Variants in RIMS1 observed in about 807,000 individuals in gnomAD.
RIMS1 encodes the protein regulating synaptic membrane exocytosis protein 1.
In RIMS1, 83 loss-of-function variants were observed where a neutral mutation model predicts 214.1. The ratio of observed to expected loss-of-function variants is 0.39; its 90% CI spans 0.32 to 0.47. The LOEUF is 0.47. Ranked by LOEUF, RIMS1 falls within the 20% of genes least tolerant of loss-of-function variation. The pLI is 0.99. For missense variants in RIMS1, 2,050 were observed against 2,161.8 expected (o/e 0.95, Z 1.03); for synonymous variants, 793 against 786.8 (o/e 1.01, Z -0.13).
intron 4 of RIMS1, among the ~76,000 whole-genome samples, chr6:72,152,819 G>A (rs2043837707): frequency 1.7e-5 from 1 of 57,802 alleles, no homozygotes; most frequent in Non-Finnish European, 2.9e-5. Flanking sequence ...GTATATATAT[G>A]GAATATATGT....
intron 1 of RIMS1, among the ~76,000 whole-genome samples, chr6:71,930,510 C>T (rs1440837777): frequency 6.6e-6 from 1 of 151,972 alleles, no homozygotes; most frequent in African/African-American, 2.4e-5. Context: ...CAGTCTATTA[C>T]CTTGTTTTAT....
chr6:72,012,375 A>C (rs111628352), intron 2 of RIMS1, among the ~76,000 whole-genome samples: 9 of 152,322 alleles, frequency 5.9e-5, no homozygotes, highest in African/African-American at 2.2e-4. Flanking sequence ...GATATACCTA[A>C]TGTAAATGAC....
rs759665204 is a variant in RIMS1 at position 72,258,165 on chromosome 6, A to T, written c.2811A>T (p.Thr937=). The T allele has an allele frequency of 6.2e-7, 1 of 1,613,138 alleles. No individual in the cohort carries two copies. Among genetic ancestry groups the T allele is most frequent in the South Asian group, 1.1e-5 (1 of 91,040 alleles). Residue 937 remains threonine (T), a synonymous_variant, in exon 17 of 34, where the codon ACA becomes ACT. Coordinates refer to ENST00000521978, the MANE Select transcript of RIMS1 (RefSeq NM_014989.7). The part of the protein sequence containing the change: ...RSSARESKST[T]LTVPEQQRTT... ...GTGCTAGAGAAAGTAAATCTACAAC[A>T]TTAACTGTGCCAGAACAGCAAAGAA...
At chr6:71,902,723 T>C (rs1012768244) in intron 1 of RIMS1, among the ~76,000 whole-genome samples, 1 of 152,098 alleles carries the variant, frequency 6.6e-6, no homozygotes, top group East Asian at 1.9e-4. Context: ...TTTCTCTCCA[T>C]GTGTCCATGT....
chr6:72,371,172 T>G (rs1182784618), intron 29 of RIMS1, among the ~76,000 whole-genome samples: 1 of 152,212 alleles, frequency 6.6e-6, no homozygotes, highest in African/African-American at 2.4e-5. Flanking sequence ...GTGTGCTGTG[T>G]GTGCACATGT....
At chr6:72,274,250 T>G in intron 22 of RIMS1, 99 bp from the exon 23 acceptor site, 1 of 705,144 alleles carries the variant, frequency 1.4e-6, no homozygotes, top group Non-Finnish European at 2.4e-6. Flanking sequence ...CACTTTGCCT[T>G]TATGGGGTGC....
chr6:72,022,764 T>C (rs1490996573), intron 2 of RIMS1, among the ~76,000 whole-genome samples: 2 of 152,192 alleles, frequency 1.3e-5, no homozygotes, highest in Non-Finnish European at 2.9e-5. Flanking sequence ...ATCTGAAAAC[T>C]TACTATCAAA....
chr6:71,926,651 C>T (rs181753482), intron 1 of RIMS1, among the ~76,000 whole-genome samples: 2 of 151,940 alleles, frequency 1.3e-5, no homozygotes, highest in Non-Finnish European at 2.9e-5. Flanking sequence ...GGTTGATACC[C>T]GTCAATTAAG....
At chr6:71,913,445 G>T (rs1371640398) in intron 1 of RIMS1, among the ~76,000 whole-genome samples, 1 of 152,024 alleles carries the variant, frequency 6.6e-6, no homozygotes, top group Non-Finnish European at 1.5e-5. Flanking sequence ...TATAAGTTTT[G>T]CAATCTACTT....
intron 2 of RIMS1, among the ~76,000 whole-genome samples, chr6:72,087,682 A>G (rs1329538827): frequency 6.6e-6 from 1 of 152,160 alleles, no homozygotes; most frequent in African/African-American, 2.4e-5. Flanking sequence ...CTTTGACTGG[A>G]CCACTTCCAC....
intron 29 of RIMS1, chr6:72,366,915 GTTTATTTATAAC>G (rs2098049616): frequency 1.1e-6 from 1 of 940,208 alleles, no homozygotes; most frequent in Admixed American, 6.2e-5. Flanking sequence ...AGGGGAGTTT[GTTTATTTATAAC>G]TTTTCATAAA....
chr6:72,138,145 C>T (rs983124334), intron 4 of RIMS1, among the ~76,000 whole-genome samples: 1 of 152,004 alleles, frequency 6.6e-6, no homozygotes, highest in Admixed American at 6.6e-5. Flanking sequence ...CTCCTTTTAA[C>T]TTGTAGGGAT....
intron 2 of RIMS1, among the ~76,000 whole-genome samples, chr6:71,994,266 A>G (rs1280091807): frequency 6.6e-6 from 1 of 152,202 alleles, no homozygotes; most frequent in Non-Finnish European, 1.5e-5. Flanking sequence ...GGTTTGGCAA[A>G]ACATTTTATT....
At chr6:71,992,002 T>C (rs932305742) in intron 2 of RIMS1, among the ~76,000 whole-genome samples, 7 of 151,880 alleles carry the variant, frequency 4.6e-5, no homozygotes, top group Non-Finnish European at 7.4e-5. Context: ...AGGCAAAGGT[T>C]GCAGTGAGCT....
rs550321897 is a variant in RIMS1 at position 72,033,418 on chromosome 6, C to T, written c.246-63531C>T. ...TAATAAACAATCATTTACATCTATA[C>T]TTATCACATCGTGTGCCTCTTTTCA... On this transcript the variant is annotated intron_variant, in intron 2 of 33. Transcript: ENST00000521978. Among the ~76,000 whole-genome samples, 4 of 152,320 alleles carry T rather than the reference C, an allele frequency of 2.6e-5. No homozygotes were observed. In the South Asian group the frequency reaches 8.3e-4, roughly 32 times the overall value.
At chr6:72,389,925 C>T (rs2098675317) in intron 29 of RIMS1, among the ~76,000 whole-genome samples, 1 of 152,134 alleles carries the variant, frequency 6.6e-6, no homozygotes, top group African/African-American at 2.4e-5. Flanking sequence ...GAGGTGTACA[C>T]CCCAAACTGC....
chr6:71,933,134 TAAAGAG>T (rs1783537315), intron 1 of RIMS1, among the ~76,000 whole-genome samples: 1 of 151,968 alleles, frequency 6.6e-6, no homozygotes, highest in Non-Finnish European at 1.5e-5. Context: ...AGGTGGAAGA[TAAAGAG>T]AAAGAGGATA....
chr6:72,264,929 A>T (rs1381680726), intron 19 of RIMS1, 46 bp from the exon 20 acceptor site: 1 of 1,235,742 alleles, frequency 8.1e-7, no homozygotes, highest in South Asian at 1.3e-5. Flanking sequence ...AATTGGTTTC[A>T]TATATATTTT....
chr6:72,131,222 A>G lies in RIMS1; in HGVS notation c.471+31236A>G, dbSNP rs866198558. 3.5e-4 allele frequency among the ~76,000 whole-genome samples: 54 copies of G among 152,322 alleles called. 1 individual carries two copies. The highest frequency in any genetic ancestry group is 1.3e-3 in the African/African-American group (52 of 41,576). ...CTCTCCTATACTGAGCATAGTGGAA[A>G]GTGGACCTGTTTCTCTCTAAAGATA... On this transcript the variant is annotated intron_variant, in intron 4 of 33. Coordinates refer to ENST00000521978, the MANE Select transcript of RIMS1 (RefSeq NM_014989.7).
Sources: gnomAD v4.1 joint callset for allele counts (sites outside exome capture counted in the v4.1 genomes callset) on GRCh38, gnomAD v4.1.1 for gene constraint, MANE v1.5 for transcripts, NCBI Gene and HGNC (gene_info 2026-07-23, HGNC 2026-07-21) for gene names.